Variants in DROSHA observed in about 807,000 individuals in gnomAD.
The protein encoded by DROSHA is ribonuclease 3.
A neutral mutation model predicts 181.9 loss-of-function variants in DROSHA; 56 were observed. The ratio of observed to expected loss-of-function variants is 0.31; its 90% CI spans 0.25 to 0.38. The LOEUF (loss-of-function observed/expected upper bound fraction) is 0.38, where lower values mean the gene tolerates loss of function less well. Among genes scored for constraint, DROSHA ranks in the 10% least tolerant of loss-of-function variants. The pLI, the probability that DROSHA is intolerant of heterozygous loss-of-function variation, is 1.00. For synonymous variants in DROSHA, 524 were observed against 591.2 expected (o/e 0.89, Z 1.65); for missense variants, 1,218 against 1,743.5 (o/e 0.70, Z 5.37).
intron 10 of DROSHA, among the ~76,000 whole-genome samples, chr5:31,505,347 T>C (rs942890581): frequency 6.6e-6 from 1 of 151,780 alleles, no homozygotes; most frequent in Non-Finnish European, 1.5e-5. Context: ...AAAAAATCAC[T>C]TAAAAGTAGG....
Position 31,526,783 on chromosome 5 carries a change from T to C in DROSHA, c.150A>G (p.Gln50=). The C allele has an allele frequency of 3.1e-6, 5 of 1,603,182 alleles. No individual in the cohort carries two copies. The highest frequency in any genetic ancestry group is 2.2e-5 in the South Asian group (2 of 89,250). Residue 50 remains glutamine, a synonymous_variant, in exon 5 of 36, where the codon CAA becomes CAG. Coordinates refer to ENST00000344624, the MANE Select transcript of DROSHA (RefSeq NM_001382508.1). ...GGGCACTTGGAGGTTCATATTGATA[T>C]TGCACAGGAGGCTGCTGAGGGTGAA... ...RLLHPQQPPV[Q]YQYEPPSAPS...
intron 21 of DROSHA, 88 bp from the exon 22 acceptor site, chr5:31,449,507 C>A: frequency 7.1e-7 from 1 of 1,399,204 alleles, no homozygotes; most frequent in African/African-American, 1.4e-5. Flanking sequence ...GTGGAGGGAC[C>A]ACTTTAGCCC....
intron 20 of DROSHA, among the ~76,000 whole-genome samples, chr5:31,454,425 A>G (rs1747396434): frequency 6.6e-6 from 1 of 152,214 alleles, no homozygotes; most frequent in Admixed American, 6.5e-5. Flanking sequence ...GTGTGAAGCC[A>G]TATTATTTCT....
At position 31,403,766 on chromosome 5, in the gene DROSHA, T is replaced by A. The variant is rs1201853547; in HGVS notation, c.3994+1911A>T. ...CAGAGTTGGAGAATTGCGACAGAGA[T>A]TATATGGTCTGGGAAGTCTAAAATG... On this transcript the variant is annotated intron_variant, in intron 35 of 35. Transcript: ENST00000344624. 2.0e-5 allele frequency among the ~76,000 whole-genome samples: 3 copies of A among 152,158 alleles called. No homozygotes were observed. The East Asian group carries it at 5.8e-4, about 29-fold the overall frequency.
chr5:31,464,180 T>A, intron 20 of DROSHA, 56 bp downstream of exon 20: 1 of 1,492,394 alleles, frequency 6.7e-7, no homozygotes, highest in Non-Finnish European at 9.3e-7. Context: ...CAGTACCAGA[T>A]TTGTTTTAAA....
At chr5:31,413,044 C>T (rs183953588) in intron 30 of DROSHA, among the ~76,000 whole-genome samples, 20 of 152,276 alleles carry the variant, frequency 1.3e-4, no homozygotes, top group South Asian at 1.0e-3. Context: ...ACAAGCCCAA[C>T]GCACACATGA....
At chr5:31,466,358 AG>A (rs1749003148) in intron 18 of DROSHA, 77 bp from the exon 19 acceptor site, 3 of 1,194,280 alleles carry the variant, frequency 2.5e-6, no homozygotes. Flanking sequence ...TTATTTTAAG[AG>A]GCCTCTTCAA....
Position 31,422,884 on chromosome 5 carries a change from T to G in DROSHA, c.3322A>C (p.Thr1108Pro). 1 of 1,613,220 alleles carries G rather than the reference T, an allele frequency of 6.2e-7. No individual in the cohort carries two copies. The highest frequency in any genetic ancestry group is 8.5e-7 in the Non-Finnish European group (1 of 1,179,628). Residue 1108 changes from threonine (T) to proline (P), a missense_variant, in exon 29 of 36, where the codon ACT becomes CCT. Around this residue, in one of 8 missense-constraint regions of DROSHA, gnomAD observed 71 missense variants for 95.2 expected, o/e 0.75. Coordinates refer to ENST00000344624, the MANE Select transcript of DROSHA (RefSeq NM_001382508.1). ...ACTCCAATTGCTTCTTCAAACTCAG[T>G]AAGTTTTTGTAGAACTGGAGAAGTT... ...IETSPVLQKL[T>P]EFEEAIGVIF...
chr5:31,440,238 C>A (rs1032815134), intron 23 of DROSHA, among the ~76,000 whole-genome samples: 1 of 152,180 alleles, frequency 6.6e-6, no homozygotes, highest in Non-Finnish European at 1.5e-5. Context: ...CTAACTCCCA[C>A]CATCCCACCC....
intron 19 of DROSHA, 118 bp from the exon 20 acceptor site, chr5:31,464,461 C>T (rs368618873): frequency 1.2e-6 from 1 of 834,594 alleles, no homozygotes; most frequent in East Asian, 2.7e-5. Context: ...TTCAGATACT[C>T]AAACCTCTTC....
rs116581703 is a variant in DROSHA, at chr5:31,491,451, C to T, written c.1842+1756G>A. Among the ~76,000 whole-genome samples the T allele has an allele frequency of 1.5e-3, 234 of 152,282 alleles. 1 individual carries two copies. Among genetic ancestry groups the T allele is most frequent in the Non-Finnish European group, 1.8e-3 (122 of 68,026 alleles). ...ATTTTAAACCCTGGTCTCTCTAAAG[C>T]CACACTGCTATCCTTCTTTGTTTAA... On this transcript the variant is annotated intron_variant, in intron 13 of 35. Transcript: ENST00000344624.
chr5:31,413,297 A>T (rs1741538446), intron 30 of DROSHA, among the ~76,000 whole-genome samples: 1 of 152,228 alleles, frequency 6.6e-6, no homozygotes, highest in African/African-American at 2.4e-5. Flanking sequence ...AGCCTGAACC[A>T]AAAATCAGTG....
rs769635822 is a variant in DROSHA at position 31,409,094 on chromosome 5, A to T, written c.3816T>A (p.Leu1272=). Residue 1272 remains leucine (L), a synonymous_variant, in exon 33 of 36, where the codon CTT becomes CTA. Transcript: ENST00000344624. This position sits in a 1 kb window ranked among gnomAD's most constrained non-coding sequence, Gnocchi z 4.0. ...TGTCTGGCTCTTTTCCTTCTGTCCTAAGTGTCAAGCAACACTGCTGAAGCT... is the reference window on the plus strand; with the variant it reads ...TGTCTGGCTCTTTTCCTTCTGTCCTTAGTGTCAAGCAACACTGCTGAAGCT... ...KSQLQQCCLT[L]RTEGKEPDIP... The T allele has an allele frequency of 3.7e-6, 6 of 1,613,920 alleles. No homozygotes were observed. In the Admixed American group the frequency reaches 1.0e-4, roughly 27 times the overall value.
At chr5:31,439,111 T>C (rs1333413154) in intron 23 of DROSHA, among the ~76,000 whole-genome samples, 2 of 152,090 alleles carry the variant, frequency 1.3e-5, no homozygotes, top group Non-Finnish European at 2.9e-5. Context: ...GCTGGAGAAA[T>C]GATAAGTTGT....
At chr5:31,440,892 A>G (rs1278344324) in intron 23 of DROSHA, among the ~76,000 whole-genome samples, 2 of 152,182 alleles carry the variant, frequency 1.3e-5, no homozygotes, top group Admixed American at 6.6e-5. Context: ...TGAGATATAT[A>G]TGAAATATAA....
intron 16 of DROSHA, 28 bp from the exon 17 acceptor site, chr5:31,472,260 G>A (rs2150029196): frequency 6.4e-7 from 1 of 1,555,200 alleles, no homozygotes; most frequent in Non-Finnish European, 8.7e-7. Context: ...GTGGAGAGAA[G>A]GGGAAAAATA....
rs183248679 is a variant in DROSHA at position 31,459,696 on chromosome 5, G to A, written c.2574+4540C>T. 4.5e-3 allele frequency among the ~76,000 whole-genome samples: 690 copies of A among 152,264 alleles called. 6 individuals carry two copies. The highest frequency in any genetic ancestry group is 9.1e-3 in the Admixed American group (139 of 15,304). On this transcript the variant is annotated intron_variant, in intron 20 of 35. Transcript: ENST00000344624. Reference sequence around the variant, plus strand: ...ACTTTTCACTGTTGAGTCATTCCTTGACAAATCATTGAGCAAGAGAATCAG... The same window carrying A: ...ACTTTTCACTGTTGAGTCATTCCTTAACAAATCATTGAGCAAGAGAATCAG...
intron 17 of DROSHA, among the ~76,000 whole-genome samples, chr5:31,471,519 AAACTT>A (rs1749717281): frequency 6.6e-6 from 1 of 152,080 alleles, no homozygotes; most frequent in Admixed American, 6.5e-5. Flanking sequence ...TTAAAACAAA[AAACTT>A]AAGTAGCACC....
chr5:31,407,143 G>T (rs1049639460), intron 33 of DROSHA, 198 bp from the exon 34 acceptor site: 2 of 362,004 alleles, frequency 5.5e-6, no homozygotes, highest in Admixed American at 9.2e-5. Context: ...ATTTGAAATA[G>T]AAATTTTTAA....
Sources: gnomAD v4.1 joint callset for allele counts (sites outside exome capture counted in the v4.1 genomes callset) on GRCh38, gnomAD v4.1.1 for gene constraint, gnomAD v4.1.1 regional missense constraint, Gnocchi (gnomAD v3.1) non-coding constraint, MANE v1.5 for transcripts, NCBI Gene and HGNC (gene_info 2026-07-23, HGNC 2026-07-21) for gene names.